SVOPL: variants seen among roughly 807,000 people sequenced by gnomAD.
SVOPL encodes the protein SVOP like.
In SVOPL, 60 loss-of-function variants were observed where a neutral mutation model predicts 61.0. That is an observed-to-expected ratio of 0.98 (90% confidence interval 0.80 to 1.22). The LOEUF (loss-of-function observed/expected upper bound fraction) is 1.22. SVOPL is among the 50% of genes most tolerant of loss of function. The pLI is 0.00. For missense variants in SVOPL, 662 were observed against 643.9 expected, an observed-to-expected ratio of 1.03 and a Z score of -0.30; for synonymous variants, 279 against 250.0, an observed-to-expected ratio of 1.12 and a Z score of -1.09.
chr7:138,695,284 G>T (rs75458585), intron 1 of SVOPL, among the ~76,000 whole-genome samples: 2 of 152,100 alleles, frequency 1.3e-5, no homozygotes, highest in African/African-American at 4.8e-5. Flanking sequence ...AGCCGAGGTG[G>T]GCGGATTGCT....
In SVOPL at chr7:138,628,250, T is replaced by TCC; in HGVS notation, c.975_976dup (p.Asp326GlyfsTer23). The TCC allele has an allele frequency of 6.2e-7, 1 of 1,613,318 alleles. No homozygotes were observed. ...GCAGGGGCTCTGGCTCTCCCCTGAG[T>TCC]CCCCCCCAGTCACCACCACCGCAGA... On this transcript the variant is annotated frameshift_variant, in exon 11 of 16. Transcript: ENST00000674285. LOFTEE classifies it high-confidence loss of function.
At chr7:138,677,735 T>C (rs1486969745) in intron 3 of SVOPL, among the ~76,000 whole-genome samples, 1 of 148,882 alleles carries the variant, frequency 6.7e-6, no homozygotes, top group African/African-American at 2.5e-5. Context: ...AACCTTAGTC[T>C]ACACAATCTT....
intron 13 of SVOPL, among the ~76,000 whole-genome samples, chr7:138,622,506 C>T (rs1300138361): frequency 6.6e-6 from 1 of 151,736 alleles, no homozygotes; most frequent in African/African-American, 2.4e-5. Flanking sequence ...GGGGTCTCTC[C>T]AAGTTGGCCG....
At chr7:138,625,889 G>T in intron 13 of SVOPL, 80 bp downstream of exon 13, 2 of 1,331,200 alleles carry the variant, frequency 1.5e-6, no homozygotes, top group African/African-American at 1.5e-5. Flanking sequence ...CAGAAGCCAG[G>T]CATGCATTAC....
At chr7:138,617,701 T>C (rs1435840138) in intron 14 of SVOPL, among the ~76,000 whole-genome samples, 1 of 152,126 alleles carries the variant, frequency 6.6e-6, no homozygotes, top group African/African-American at 2.4e-5. Flanking sequence ...CCAGGCATGG[T>C]GGCACATGCC....
At chr7:138,622,192 A>G (rs1410622651) in intron 13 of SVOPL, among the ~76,000 whole-genome samples, 7 of 103,548 alleles carry the variant, frequency 6.8e-5, no homozygotes, top group East Asian at 2.3e-4. Flanking sequence ...GTATCTATCT[A>G]TCTATCTATG....
chr7:138,600,060 T>TA (rs1798450730), intron 14 of SVOPL, among the ~76,000 whole-genome samples: 1 of 152,160 alleles, frequency 6.6e-6, no homozygotes, highest in South Asian at 2.1e-4. Flanking sequence ...ACTGACTATA[T>TA]ACAAATTTAA....
chr7:138,656,536 T>C (rs975965566), intron 6 of SVOPL, 25 bp from the exon 7 acceptor site: 17 of 1,610,502 alleles, frequency 1.1e-5, no homozygotes, highest in African/African-American at 6.7e-5. Context: ...GGAAAAAGCA[T>C]AATTTTGTTT....
intron 1 of SVOPL, among the ~76,000 whole-genome samples, chr7:138,689,761 G>T (rs1478473424): frequency 6.6e-6 from 1 of 150,538 alleles, no homozygotes; most frequent in African/African-American, 2.5e-5. Context: ...AGAGGCTGAG[G>T]CAGGAGAATC....
intron 4 of SVOPL, among the ~76,000 whole-genome samples, chr7:138,671,239 G>A (rs1047145262): frequency 6.6e-6 from 1 of 152,080 alleles, no homozygotes. Context: ...TTTAAACAAC[G>A]TGATACTGCT....
chr7:138,611,865 C>A (rs1201545865), intron 14 of SVOPL, among the ~76,000 whole-genome samples: 1 of 79,574 alleles, frequency 1.3e-5, no homozygotes, highest in African/African-American at 4.3e-5. Flanking sequence ...ATTGCAGCCT[C>A]TGCCCGGCCG....
At chr7:138,675,544 T>C (rs1052691006) in intron 3 of SVOPL, among the ~76,000 whole-genome samples, 3 of 152,034 alleles carry the variant, frequency 2.0e-5, no homozygotes, top group African/African-American at 7.2e-5. Flanking sequence ...TTAGTAGAGA[T>C]GAGGGTTTGC....
intron 7 of SVOPL, among the ~76,000 whole-genome samples, chr7:138,653,932 C>CAA (rs34826230): frequency 1.5e-5 from 2 of 132,642 alleles, no homozygotes; most frequent in Admixed American, 7.6e-5. Flanking sequence ...GACTCTGTCT[C>CAA]AAAAAAAAAA....
rs145530591 is a variant in SVOPL, at chr7:138,655,061, G to A, written c.534+1387C>T. On this transcript the variant is annotated intron_variant, in intron 7 of 15. Transcript: ENST00000674285. ...CAACAATCAGCTGGCGTAGTGATGC[G>A]CACCTGTAATCCCAGTTACTCAGGT... 7.2e-3 allele frequency among the ~76,000 whole-genome samples: 1,088 copies of A among 151,748 alleles called. 9 individuals carry two copies. Among genetic ancestry groups the A allele is most frequent in the Non-Finnish European group, 0.012 (782 of 67,930 alleles).
chr7:138,672,189 C>T (rs1034054758), intron 3 of SVOPL, 72 bp from the exon 4 acceptor site: 6 of 1,385,822 alleles, frequency 4.3e-6, no homozygotes, highest in African/African-American at 4.3e-5. Flanking sequence ...TCTGCCTGCC[C>T]ATCATCCTAC....
intron 7 of SVOPL, among the ~76,000 whole-genome samples, chr7:138,654,523 G>A (rs536556965): frequency 1.2e-3 from 146 of 118,884 alleles, no homozygotes; most frequent in African/African-American, 3.7e-3. Flanking sequence ...TTTTTGAGAC[G>A]GAGTCTCGCT....
intron 6 of SVOPL, among the ~76,000 whole-genome samples, chr7:138,657,150 A>G (rs1484948908): frequency 1.3e-5 from 2 of 150,486 alleles, no homozygotes; most frequent in East Asian, 1.9e-4. Flanking sequence ...TTATTTATTT[A>G]TTTATTTATT....
intron 1 of SVOPL, among the ~76,000 whole-genome samples, chr7:138,698,418 C>A (rs1421478621): frequency 1.3e-5 from 2 of 152,128 alleles, no homozygotes; most frequent in Non-Finnish European, 2.9e-5. Context: ...CCTCACACCC[C>A]CTCGCTAGAC....
In SVOPL at chr7:138,628,251, C is replaced by T. The variant is rs562489887; in HGVS notation, c.976G>A (p.Asp326Asn). ...CAGGGGCTCTGGCTCTCCCCTGAGTCCCCCCCAGTCACCACCACCGCAGAG... is the reference window on the plus strand; with the variant it reads ...CAGGGGCTCTGGCTCTCCCCTGAGTTCCCCCCAGTCACCACCACCGCAGAG... ...SDSAVVVTGG[D>N]SGESQSPCYC... Residue 326 changes from aspartate (D) to asparagine (N), a missense_variant, in exon 11 of 16, where the codon GAC becomes AAC. Asp to Asn is a conservative substitution (Grantham distance 23). Coordinates refer to ENST00000674285, the MANE Select transcript of SVOPL (RefSeq NM_001139456.2). 6.2e-7 allele frequency: 1 copy of T among 1,613,946 alleles called. No homozygotes were observed. The highest frequency in any genetic ancestry group is 1.7e-5 in the Admixed American group (1 of 59,980).
Sources: gnomAD v4.1 joint callset for allele counts (sites outside exome capture counted in the v4.1 genomes callset) on GRCh38, gnomAD v4.1.1 for gene constraint, MANE v1.5 for transcripts, NCBI Gene and HGNC (gene_info 2026-07-23, HGNC 2026-07-21) for gene names.